RBFOX1: variants seen among roughly 807,000 people sequenced by gnomAD.
RBFOX1 encodes the protein RNA binding fox-1 homolog 1, also known as RNA binding protein fox-1 homolog 1.
A neutral mutation model predicts 57.7 loss-of-function variants in RBFOX1; 8 were observed. The observed-to-expected ratio is 0.14, with a 90% CI of 0.08 to 0.25. RBFOX1 has a LOEUF of 0.25. Ranked by LOEUF, RBFOX1 falls within the 10% of genes least tolerant of loss-of-function variation. The pLI is 1.00. For missense variants in RBFOX1, 611 were observed against 548.5 expected (o/e 1.11, Z -1.14); for synonymous variants, 326 against 222.4 (o/e 1.47, Z -4.15).
intron 3 of RBFOX1, among the ~76,000 whole-genome samples, chr16:7,025,855 A>G (rs1333697167): frequency 6.6e-6 from 1 of 152,160 alleles, no homozygotes; most frequent in Admixed American, 6.5e-5. Context: ...AGGGATTCAA[A>G]GCTCCAGCAA....
At chr16:6,382,206 A>G (rs2091880633) in intron 2 of RBFOX1, among the ~76,000 whole-genome samples, 1 of 152,232 alleles carries the variant, frequency 6.6e-6, no homozygotes, top group Non-Finnish European at 1.5e-5. Context: ...TTAAAATTGC[A>G]AGAGCCATTT....
chr16:6,165,083 T>A (rs7196181), intron 1 of RBFOX1, among the ~76,000 whole-genome samples: 1 of 152,086 alleles, frequency 6.6e-6, no homozygotes, highest in African/African-American at 2.4e-5. Flanking sequence ...GGTTTTGTCA[T>A]TCACAGCTTA....
At chr16:6,681,100 C>G (rs183144672) in intron 3 of RBFOX1, among the ~76,000 whole-genome samples, 4 of 152,226 alleles carry the variant, frequency 2.6e-5, no homozygotes, top group African/African-American at 9.6e-5. Context: ...CATTTGAGGT[C>G]AGGAGTTCGA....
At chr16:7,054,546 G>C (rs1038725244) in intron 4 of RBFOX1, among the ~76,000 whole-genome samples, 1 of 45,922 alleles carries the variant, frequency 2.2e-5, no homozygotes, top group African/African-American at 4.4e-5. Context: ...AAACCTGGGT[G>C]GGGGGGCATT....
intron 3 of RBFOX1, among the ~76,000 whole-genome samples, chr16:5,721,009 A>T (rs1053431024): frequency 1.3e-5 from 2 of 152,186 alleles, no homozygotes; most frequent in Admixed American, 6.5e-5. Flanking sequence ...AAATCTGTAG[A>T]TCAATTTGAG....
intron 5 of RBFOX1, among the ~76,000 whole-genome samples, chr16:7,553,553 T>C (rs2087282159): frequency 6.6e-6 from 1 of 152,194 alleles, no homozygotes; most frequent in African/African-American, 2.4e-5. Context: ...CATTGCTGAA[T>C]ACTCACAAGA....
chr16:5,663,525 C>T (rs565995993), intron 3 of RBFOX1, among the ~76,000 whole-genome samples: 18 of 152,092 alleles, frequency 1.2e-4, no homozygotes, highest in Non-Finnish European at 2.9e-5. Flanking sequence ...ATTGAATAGC[C>T]AATTGAAATA....
intron 4 of RBFOX1, among the ~76,000 whole-genome samples, chr16:7,379,915 C>T (rs906919201): frequency 1.3e-5 from 2 of 152,204 alleles, no homozygotes; most frequent in East Asian, 1.9e-4. Context: ...TGCAATGGCA[C>T]CATCATATCT....
At chr16:6,292,360 T>C (rs2077559669) in intron 1 of RBFOX1, among the ~76,000 whole-genome samples, 1 of 150,132 alleles carries the variant, frequency 6.7e-6, no homozygotes, top group Non-Finnish European at 1.5e-5. Flanking sequence ...GTGGAAACAG[T>C]TCCACAGATT....
At chr16:6,580,813 A>G (rs1244361938) in intron 2 of RBFOX1, among the ~76,000 whole-genome samples, 1 of 152,142 alleles carries the variant, frequency 6.6e-6, no homozygotes, top group Non-Finnish European at 1.5e-5. Context: ...TGTTATCCCC[A>G]AAGACTAAGA....
chr16:5,930,359 T>TG (rs1236417056), intron 4 of RBFOX1, among the ~76,000 whole-genome samples: 2 of 130,616 alleles, frequency 1.5e-5, no homozygotes, highest in East Asian at 4.9e-4. Flanking sequence ...GCTGGATGGA[T>TG]GGGAGGGTGG....
chr16:5,891,686 G>C (rs533934179), intron 4 of RBFOX1, among the ~76,000 whole-genome samples: 1 of 152,276 alleles, frequency 6.6e-6, no homozygotes, highest in South Asian at 2.1e-4. Flanking sequence ...GCAGAGACTG[G>C]ACTCATGAAG....
At chr16:6,478,388 AATATATATATATAT>A (rs71406379) in intron 2 of RBFOX1, among the ~76,000 whole-genome samples, 3,121 of 41,050 alleles carry the variant, frequency 0.076, 189 homozygotes, top group East Asian at 0.13. Flanking sequence ...ACACCCAGCT[AATATATATATATAT>A]ATATATATAT....
At chr16:5,953,571 T>C (rs985751000) in intron 4 of RBFOX1, among the ~76,000 whole-genome samples, 1 of 152,090 alleles carries the variant, frequency 6.6e-6, no homozygotes, top group Non-Finnish European at 1.5e-5. Flanking sequence ...AGCTCCCACT[T>C]ATGAGTGAGA....
chr16:7,055,162 G>T (rs1443294993), intron 4 of RBFOX1, among the ~76,000 whole-genome samples: 2 of 151,976 alleles, frequency 1.3e-5, no homozygotes, highest in Admixed American at 1.3e-4. Context: ...TTAACTGCAG[G>T]TCTTCTCATA....
In RBFOX1 at chr16:6,573,030, A is replaced by G. The variant is rs1049954799; in HGVS notation, c.-63-81573A>G. Among the ~76,000 whole-genome samples the G allele has an allele frequency of 4.6e-5, 7 of 152,282 alleles. No individual in the cohort carries two copies. The South Asian group carries it at 8.3e-4, about 18-fold the overall frequency. ...ATCACTCTATTAAGAGATCAAGTCA[A>G]CACTCAATTCTCCTACAGACTCAGA... On this transcript the variant is annotated intron_variant, in intron 2 of 15. Transcript: ENST00000550418.
chr16:6,564,246 C>T (rs778544347), intron 2 of RBFOX1, among the ~76,000 whole-genome samples: 1 of 152,126 alleles, frequency 6.6e-6, no homozygotes, highest in Non-Finnish European at 1.5e-5. Context: ...TCAAGAGCAT[C>T]ATGTACATAT....
intron 5 of RBFOX1, among the ~76,000 whole-genome samples, chr16:7,562,364 A>G (rs2090591518): frequency 6.6e-6 from 1 of 152,148 alleles, no homozygotes; most frequent in Non-Finnish European, 1.5e-5. Context: ...AAGAGCCTGA[A>G]GTTACAGAAG....
intron 4 of RBFOX1, among the ~76,000 whole-genome samples, chr16:5,920,648 C>G (rs928805917): frequency 3.3e-5 from 5 of 152,038 alleles, no homozygotes; most frequent in African/African-American, 1.2e-4. Flanking sequence ...AGACCTTGTC[C>G]AAAAGTGGGG....
Sources: allele counts gnomAD v4.1 joint callset (sites outside exome capture counted in the v4.1 genomes callset), GRCh38; gene constraint gnomAD v4.1.1; transcripts MANE v1.5; gene names NCBI Gene and HGNC (gene_info 2026-07-23, HGNC 2026-07-21).